Variants in WDR25 observed in about 807,000 individuals in gnomAD.
WDR25 encodes the protein WD repeat domain 25.
WDR25 carries 35 observed loss-of-function variants against 47.7 expected under a neutral mutation model. The ratio of observed to expected loss-of-function variants is 0.73; its 90% CI spans 0.56 to 0.97. WDR25 has a LOEUF of 0.97. WDR25 is among the 50% of genes least tolerant of loss of function. The pLI, the probability that WDR25 is intolerant of heterozygous loss-of-function variation, is 0.00. For missense variants in WDR25, 634 were observed against 704.7 expected (o/e 0.90, Z 1.14); for synonymous variants, 248 against 278.9 (o/e 0.89, Z 1.10).
At chr14:100,382,287 G>A in intron 2 of WDR25, 1 of 657,116 alleles carries the variant, frequency 1.5e-6, no homozygotes, top group South Asian at 1.7e-5. Flanking sequence ...CAACGGGAGG[G>A]TTACCAGCCC....
chr14:100,413,170 G>A (rs973922890), intron 2 of WDR25, among the ~76,000 whole-genome samples: 6 of 152,138 alleles, frequency 3.9e-5, no homozygotes, highest in African/African-American at 1.4e-4. Context: ...TAACTCTATG[G>A]AGATATAACT....
intron 3 of WDR25, among the ~76,000 whole-genome samples, chr14:100,479,861 C>T (rs764081682): frequency 2.6e-4 from 39 of 152,220 alleles, no homozygotes; most frequent in South Asian, 4.2e-4. Flanking sequence ...CTCATACGAA[C>T]GGAGCCCTAT....
chr14:100,486,626 G>A (rs1900392957), intron 4 of WDR25, among the ~76,000 whole-genome samples: 1 of 152,170 alleles, frequency 6.6e-6, no homozygotes, highest in African/African-American at 2.4e-5. Flanking sequence ...TGCCCTCCAG[G>A]GACTCCCGCC....
chr14:100,411,575 C>T (rs1247584314), intron 2 of WDR25, among the ~76,000 whole-genome samples: 2 of 149,480 alleles, frequency 1.3e-5, no homozygotes, highest in Non-Finnish European at 3.0e-5. Flanking sequence ...CTTGCTCTGT[C>T]ACCCAGGCTG....
At chr14:100,447,422 C>G (rs950023759) in intron 2 of WDR25, among the ~76,000 whole-genome samples, 1 of 152,222 alleles carries the variant, frequency 6.6e-6, no homozygotes, top group Non-Finnish European at 1.5e-5. Context: ...GAGGCGTGGG[C>G]GTGCCAGCCT....
Position 100,392,041 on chromosome 14 carries a change from G to A in WDR25, c.822+10295G>A, listed in dbSNP as rs1317618794. 6.6e-6 allele frequency among the ~76,000 whole-genome samples: 1 copy of A among 152,100 alleles called. No individual in the cohort carries two copies. The highest frequency in any genetic ancestry group is 1.5e-5 in the Non-Finnish European group (1 of 68,010). ...CTTCTTACTAATTTTTCTTGGTCTT[G>A]GAAAATAGAGTTATTTTTATAAGAA... is the stretch of plus-strand genomic sequence containing the variant. On this transcript the variant is annotated intron_variant, in intron 2 of 6. Transcript: ENST00000402312. This position sits in a 1 kb window ranked among gnomAD's most constrained non-coding sequence, Gnocchi z 4.2.
rs1174901355 is a variant in WDR25, at chr14:100,506,630, C to T, written c.1102-19240C>T. The stretch of plus-strand genomic sequence containing the variant: ...TGCTGTCTGGTGTGAGAAGTTATCT[C>T]ATTGTGATTTTGATTTGCATTTCTC... On this transcript the variant is annotated intron_variant, in intron 4 of 6. Transcript: ENST00000402312. This position sits in a 1 kb window ranked among gnomAD's most constrained non-coding sequence, Gnocchi z 4.8. Among the ~76,000 whole-genome samples, 1 of 152,132 alleles carries T rather than the reference C, an allele frequency of 6.6e-6. No homozygotes were observed. The highest frequency in any genetic ancestry group is 1.9e-4 in the East Asian group (1 of 5,202).
intron 4 of WDR25, among the ~76,000 whole-genome samples, chr14:100,519,006 T>G (rs991846374): frequency 2.6e-5 from 4 of 151,956 alleles, no homozygotes; most frequent in African/African-American, 9.7e-5. Context: ...TTGGGCAGAA[T>G]GAGGGATTTA....
Position 100,529,447 on chromosome 14 carries a change from CTCAG to C in WDR25, c.1413+240_1413+243del, listed in dbSNP as rs2030367914. The C allele has an allele frequency of 1.4e-5, 9 of 637,528 alleles. No homozygotes were observed. The Admixed American group carries it at 2.4e-4, about 17-fold the overall frequency. The allele number at this position is 637,528 out of a possible 1,614,324, so 39.5% of individuals were successfully genotyped here. On this transcript the variant is annotated intron_variant, in intron 6 of 6. Coordinates refer to ENST00000402312, the MANE Select transcript of WDR25 (RefSeq NM_001161476.3). The surrounding 1 kb of genome is among the most constrained non-coding windows in gnomAD (Gnocchi z 5.1). Reference sequence around the variant, plus strand: ...CAGTAGTTGGCTCACACAGACAGGTCTCAGAAGTGGGGGGCAGGAACAGGACAAA... The same window carrying C: ...CAGTAGTTGGCTCACACAGACAGGTCAAGTGGGGGGCAGGAACAGGACAAA...
rs533534350 is a variant in WDR25 at position 100,401,472 on chromosome 14, C to A, written c.822+19726C>A. ...CCTTGGCAGGGGTGGCCCTGAGCAC[C>A]CTGCCCATGTCCCCAGGAGGCAAGT... On this transcript the variant is annotated intron_variant, in intron 2 of 6. Coordinates refer to ENST00000402312, the MANE Select transcript of WDR25 (RefSeq NM_001161476.3). Among the ~76,000 whole-genome samples the A allele has an allele frequency of 2.0e-5, 3 of 152,314 alleles. No individual in the cohort carries two copies. In the South Asian group the frequency reaches 6.2e-4, roughly 32 times the overall value.
intron 1 of WDR25, among the ~76,000 whole-genome samples, chr14:100,377,602 G>A (rs1896744033): frequency 6.6e-6 from 1 of 152,012 alleles, no homozygotes; most frequent in Admixed American, 6.6e-5. Context: ...GAGCCACCGC[G>A]CCCGGTCGTT....
intron 2 of WDR25, among the ~76,000 whole-genome samples, chr14:100,400,745 C>T (rs1400955983): frequency 2.6e-5 from 4 of 152,114 alleles, no homozygotes; most frequent in African/African-American, 9.7e-5. Context: ...AATCACTTTG[C>T]GCTTATTTAA....
chr14:100,376,814 G>A, intron 1 of WDR25: 3 of 1,123,824 alleles, frequency 2.7e-6, no homozygotes. Flanking sequence ...CAAAGAGTAC[G>A]TAATCAGGAA....
chr14:100,529,407 G>T lies in WDR25; in HGVS notation c.1413+199G>T. 1.3e-6 allele frequency: 1 copy of T among 779,288 alleles called. No individual in the cohort carries two copies. The highest frequency in any genetic ancestry group is 2.0e-6 in the Non-Finnish European group (1 of 497,746). 48.3% of individuals were successfully genotyped at this position (779,288 alleles called of 1,614,324 possible). On this transcript the variant is annotated intron_variant, in intron 6 of 6. Transcript: ENST00000402312. This position sits in a 1 kb window ranked among gnomAD's most constrained non-coding sequence, Gnocchi z 5.1. Reference sequence around the variant, plus strand: ...ATCTGGTCCTCACCCCAGGCCCCACGTACTGGGCAGGAAGCAGTAGTTGGC... The same window carrying T: ...ATCTGGTCCTCACCCCAGGCCCCACTTACTGGGCAGGAAGCAGTAGTTGGC...
At position 100,451,137 on chromosome 14, in the gene WDR25, T is replaced by A. The variant is rs113981858; in HGVS notation, c.823-16884T>A. 3.3e-5 allele frequency among the ~76,000 whole-genome samples: 5 copies of A among 152,150 alleles called. 1 individual carries two copies. The South Asian group carries it at 8.3e-4, about 25-fold the overall frequency. ...CTGAGTCGGGGAGGGACGCTTATAC[T>A]AGAGAAAGAGAAAATAGACGCCAGG... On this transcript the variant is annotated intron_variant, in intron 2 of 6. Transcript: ENST00000402312.
intron 2 of WDR25, among the ~76,000 whole-genome samples, chr14:100,465,006 T>C (rs4905960): frequency 0.7 from 105,877 of 150,492 alleles, 38,347 homozygotes; most frequent in African/African-American, 0.87. Context: ...CCCCTACATG[T>C]TCCACCCTCT....
intron 3 of WDR25, among the ~76,000 whole-genome samples, 200 bp from the exon 4 acceptor site, chr14:100,483,794 G>C (rs552289644): frequency 2.4e-4 from 37 of 152,268 alleles, no homozygotes; most frequent in African/African-American, 8.9e-4. Flanking sequence ...AGTCAAGGGT[G>C]GGCTGGCCAG....
Position 100,446,383 on chromosome 14 carries a change from T to A in WDR25, c.823-21638T>A, listed in dbSNP as rs181521562. On this transcript the variant is annotated intron_variant, in intron 2 of 6. Transcript: ENST00000402312. ...CAGCCTGGCCCACATGGTTAGGCCA[T>A]CTACTAAAAATACAAAAATTAGCCA... is the stretch of plus-strand genomic sequence containing the variant. Among the ~76,000 whole-genome samples, 784 of 151,940 alleles carry A rather than the reference T, an allele frequency of 5.2e-3. 2 individuals are homozygous for A. Among genetic ancestry groups the A allele is most frequent in the Non-Finnish European group, 8.9e-3 (602 of 67,944 alleles).
intron 2 of WDR25, among the ~76,000 whole-genome samples, chr14:100,390,129 A>G (rs779846863): frequency 1.3e-5 from 2 of 151,924 alleles, no homozygotes; most frequent in Non-Finnish European, 2.9e-5. Context: ...GTGTTCTGTC[A>G]TGTTTTTACA....
Sources: allele counts gnomAD v4.1 joint callset (sites outside exome capture counted in the v4.1 genomes callset), GRCh38; gene constraint gnomAD v4.1.1; non-coding constraint Gnocchi (gnomAD v3.1); transcripts MANE v1.5; gene names NCBI Gene and HGNC (gene_info 2026-07-23, HGNC 2026-07-21).